CDH18: variants seen among roughly 807,000 people sequenced by gnomAD.
The protein encoded by CDH18 is cadherin-18.
A neutral mutation model predicts 67.9 loss-of-function variants in CDH18; 31 were observed. The ratio of observed to expected loss-of-function variants is 0.46; its 90% CI spans 0.34 to 0.62. The LOEUF is 0.62. Among genes scored for constraint, CDH18 ranks in the 20% least tolerant of loss-of-function variants. CDH18 has a pLI of 0.01. For missense variants in CDH18, 890 were observed against 975.5 expected, an observed-to-expected ratio of 0.91 and a Z score of 1.17; for synonymous variants, 362 against 347.2, an observed-to-expected ratio of 1.04 and a Z score of -0.48.
chr5:19,582,116 T>A (rs1240292672), intron 7 of CDH18, among the ~76,000 whole-genome samples: 1 of 152,016 alleles, frequency 6.6e-6, no homozygotes, highest in Non-Finnish European at 1.5e-5. Context: ...TAAGTATACA[T>A]TATATTATAC....
rs1774439783 is a variant in CDH18 at position 19,776,816 on chromosome 5, T to C, written c.229-29580A>G. Among the ~76,000 whole-genome samples, 5 of 152,172 alleles carry C rather than the reference T, an allele frequency of 3.3e-5. 1 individual carries two copies. The highest frequency in any genetic ancestry group is 3.3e-4 in the Admixed American group (5 of 15,260). ...AATGTAAATGTTCCATAAGTTTTGG[T>C]TTTCTCATTTGAAAAGTAGAAATAA... On this transcript the variant is annotated intron_variant, in intron 3 of 12. Coordinates refer to ENST00000382275, the MANE Select transcript of CDH18 (RefSeq NM_004934.5).
intron 2 of CDH18, among the ~76,000 whole-genome samples, chr5:20,187,924 T>C (rs935704439): frequency 2.0e-5 from 3 of 151,866 alleles, no homozygotes; most frequent in East Asian, 3.9e-4. Flanking sequence ...TAAATATATA[T>C]TAAAATTAGA....
intron 2 of CDH18, among the ~76,000 whole-genome samples, chr5:19,852,233 T>TTAC (rs1783789233): frequency 6.6e-6 from 1 of 152,044 alleles, no homozygotes; most frequent in Non-Finnish European, 1.5e-5. Flanking sequence ...TTGACTGGTG[T>TTAC]TACCTAAGCA....
At chr5:19,919,298 TCAA>T (rs1046333020) in intron 2 of CDH18, among the ~76,000 whole-genome samples, 3 of 152,120 alleles carry the variant, frequency 2.0e-5, no homozygotes, top group Non-Finnish European at 4.4e-5. Context: ...AATACATAGG[TCAA>T]CATCAATTAA....
At chr5:20,118,464 T>C (rs907570688) in intron 2 of CDH18, among the ~76,000 whole-genome samples, 4 of 152,198 alleles carry the variant, frequency 2.6e-5, no homozygotes, top group Non-Finnish European at 5.9e-5. Flanking sequence ...TTTACTACGC[T>C]TACCTGTTAT....
At chr5:20,005,207 A>G (rs1244208756) in intron 2 of CDH18, among the ~76,000 whole-genome samples, 1 of 152,200 alleles carries the variant, frequency 6.6e-6, no homozygotes, top group Non-Finnish European at 1.5e-5. Context: ...AGAAATAAAC[A>G]TCCGAATGAC....
At chr5:20,027,161 T>C (rs1224653418) in intron 2 of CDH18, among the ~76,000 whole-genome samples, 3 of 152,220 alleles carry the variant, frequency 2.0e-5, no homozygotes, top group Admixed American at 6.5e-5. Flanking sequence ...CAATAATGTA[T>C]GATTAAACAC....
At chr5:20,405,609 C>G (rs1746174764) in intron 1 of CDH18, among the ~76,000 whole-genome samples, 1 of 152,086 alleles carries the variant, frequency 6.6e-6, no homozygotes, top group Non-Finnish European at 1.5e-5. Flanking sequence ...AACTAAAGAG[C>G]TTCTGCACAG....
At chr5:20,538,646 C>A (rs971152201) in intron 1 of CDH18, among the ~76,000 whole-genome samples, 4 of 152,038 alleles carry the variant, frequency 2.6e-5, no homozygotes, top group Non-Finnish European at 5.9e-5. Flanking sequence ...TAATCTCCAC[C>A]AGATTCTTCT....
chr5:19,473,796 A>G, intron 12 of CDH18, 80 bp from the exon 13 acceptor site: 2 of 1,214,026 alleles, frequency 1.6e-6, no homozygotes, highest in Non-Finnish European at 1.2e-6. Context: ...GCAATTTCCC[A>G]TTTTCCCATT....
intron 3 of CDH18, among the ~76,000 whole-genome samples, chr5:19,789,240 A>G (rs1387860545): frequency 6.6e-6 from 1 of 152,210 alleles, no homozygotes; most frequent in Non-Finnish European, 1.5e-5. Flanking sequence ...ACCTTAGGCA[A>G]GTTACTTAAC....
chr5:19,782,773 T>A (rs1486022751), intron 3 of CDH18, among the ~76,000 whole-genome samples: 1 of 152,140 alleles, frequency 6.6e-6, no homozygotes, highest in Non-Finnish European at 1.5e-5. Context: ...TTGGCCAAAT[T>A]CCACTGCTCA....
upstream of CDH18, among the ~76,000 whole-genome samples, chr5:19,989,222 G>A (rs1799835520): frequency 6.6e-6 from 1 of 152,042 alleles, no homozygotes. Flanking sequence ...CTAGTCTAAG[G>A]GCCCCTTGGC....
intron 6 of CDH18, among the ~76,000 whole-genome samples, chr5:19,604,105 G>C (rs1409577093): frequency 6.6e-6 from 1 of 151,902 alleles, no homozygotes; most frequent in Non-Finnish European, 1.5e-5. Flanking sequence ...GGAAGACATG[G>C]TGGGAATAAT....
At chr5:19,484,510 G>A (rs1052314036) in intron 11 of CDH18, among the ~76,000 whole-genome samples, 2 of 152,118 alleles carry the variant, frequency 1.3e-5, no homozygotes, top group African/African-American at 4.8e-5. Flanking sequence ...AAACCCACAT[G>A]GTCCATACTT....
intron 1 of CDH18, among the ~76,000 whole-genome samples, chr5:20,380,962 G>A (rs1743860393): frequency 6.6e-6 from 1 of 152,060 alleles, no homozygotes; most frequent in African/African-American, 2.4e-5. Flanking sequence ...AGAATATATT[G>A]TATTTGGAGA....
At chr5:19,919,488 C>T (rs967519627) in intron 2 of CDH18, among the ~76,000 whole-genome samples, 1 of 152,102 alleles carries the variant, frequency 6.6e-6, no homozygotes, top group African/African-American at 2.4e-5. Flanking sequence ...TCTGTGCTAA[C>T]GTCGGGTAGC....
chr5:19,639,749 G>A (rs1035158051), intron 5 of CDH18, among the ~76,000 whole-genome samples: 3 of 152,218 alleles, frequency 2.0e-5, no homozygotes, highest in African/African-American at 7.2e-5. Context: ...TGCTACAGCC[G>A]TGACTGCAAC....
chr5:19,561,614 C>T (rs1423891541), intron 8 of CDH18, among the ~76,000 whole-genome samples: 1 of 152,082 alleles, frequency 6.6e-6, no homozygotes, highest in Non-Finnish European at 1.5e-5. Context: ...ATAACATATT[C>T]ATGTAACCAA....
Sources: allele counts gnomAD v4.1 joint callset (sites outside exome capture counted in the v4.1 genomes callset), GRCh38; gene constraint gnomAD v4.1.1; transcripts MANE v1.5; gene names NCBI Gene and HGNC (gene_info 2026-07-23, HGNC 2026-07-21).